SYT1: variants seen among roughly 807,000 people sequenced by gnomAD.
SYT1 encodes the protein synaptotagmin-1.
In SYT1, 8 loss-of-function variants were observed where a neutral mutation model predicts 44.8. That is an observed-to-expected ratio of 0.18 (90% CI 0.10 to 0.32). SYT1 has a LOEUF of 0.32. Ranked by LOEUF, SYT1 falls within the 10% of genes least tolerant of loss-of-function variation. The pLI is 1.00. For synonymous variants in SYT1, 154 were observed against 188.8 expected (o/e 0.82, Z 1.51); for missense variants, 286 against 509.3 (o/e 0.56, Z 4.22).
Position 79,292,013 on chromosome 12 carries a change from C to T in SYT1, c.357C>T (p.Leu119=). Residue 119 remains leucine, a synonymous_variant, in exon 6 of 11, where the codon CTC becomes CTT. Transcript: ENST00000261205. ...DLGKTMKDQA[L]KDDDAETGLT... ...GATCCTTTCTCTATACATAGGCCCT[C>T]AAGGATGATGATGCTGAAACTGGAT... is the stretch of plus-strand genomic sequence containing the variant. 1.2e-6 allele frequency: 2 copies of T among 1,613,686 alleles called. No homozygotes were observed. The highest frequency in any genetic ancestry group is 1.7e-6 in the Non-Finnish European group (2 of 1,179,942).
chr12:79,387,490 C>G (rs1381746535), intron 9 of SYT1, among the ~76,000 whole-genome samples: 1 of 152,132 alleles, frequency 6.6e-6, no homozygotes, highest in Non-Finnish European at 1.5e-5. Flanking sequence ...CATATGGCCC[C>G]TTTTATGTTT....
chr12:78,891,617 T>A (rs906300713), intron 1 of SYT1, among the ~76,000 whole-genome samples: 1 of 151,896 alleles, frequency 6.6e-6, no homozygotes, highest in African/African-American at 2.4e-5. Flanking sequence ...TATTTACATA[T>A]GGAAGAAGGT....
intron 9 of SYT1, among the ~76,000 whole-genome samples, chr12:79,410,842 A>G (rs953523070): frequency 6.6e-6 from 1 of 152,196 alleles, no homozygotes; most frequent in Admixed American, 6.5e-5. Context: ...AAAGTCACTA[A>G]TGAGAGATCA....
intron 5 of SYT1, among the ~76,000 whole-genome samples, chr12:79,288,465 C>A (rs1879418096): frequency 6.6e-6 from 1 of 151,998 alleles, no homozygotes; most frequent in Non-Finnish European, 1.5e-5. Context: ...TATAAAGGCT[C>A]TAGGACAATC....
chr12:78,920,054 C>T (rs1461369567), intron 1 of SYT1, among the ~76,000 whole-genome samples: 1 of 150,982 alleles, frequency 6.6e-6, no homozygotes, highest in Non-Finnish European at 1.5e-5. Flanking sequence ...GGAATTTAGT[C>T]TTTTTGAAAT....
At chr12:79,079,670 C>T (rs1260499448) in intron 3 of SYT1, among the ~76,000 whole-genome samples, 1 of 151,838 alleles carries the variant, frequency 6.6e-6, no homozygotes, top group South Asian at 2.1e-4. Flanking sequence ...ACCACAGAAC[C>T]TTTGAAACAT....
At chr12:79,027,989 T>C (rs545019848) in intron 2 of SYT1, among the ~76,000 whole-genome samples, 38 of 151,396 alleles carry the variant, frequency 2.5e-4, no homozygotes, top group Non-Finnish European at 3.7e-4. Context: ...AGTCATATTA[T>C]GGACTGATAA....
intron 1 of SYT1, among the ~76,000 whole-genome samples, chr12:78,956,200 G>A (rs947401967): frequency 6.6e-6 from 1 of 152,044 alleles, no homozygotes; most frequent in African/African-American, 2.4e-5. Context: ...TGGGGGGGCA[G>A]AATGTGCATT....
chr12:79,049,576 A>G (rs1874319275), intron 3 of SYT1, among the ~76,000 whole-genome samples: 2 of 152,038 alleles, frequency 1.3e-5, no homozygotes, highest in South Asian at 2.1e-4. Context: ...TCAAAACATA[A>G]GAGTTCTTAA....
intron 8 of SYT1, among the ~76,000 whole-genome samples, chr12:79,326,086 A>G (rs573779633): frequency 6.6e-6 from 1 of 152,358 alleles, no homozygotes; most frequent in Admixed American, 6.5e-5. Context: ...AAAATGGAAC[A>G]CATTTTCTTG....
In SYT1 at chr12:79,394,234, T is replaced by C. The variant is rs1023814604; in HGVS notation, c.928+40615T>C. Among the ~76,000 whole-genome samples, 4 of 152,344 alleles carry C rather than the reference T, an allele frequency of 2.6e-5. No homozygotes were observed. The East Asian group carries it at 7.7e-4, about 29-fold the overall frequency. ...TAGCACCTGGTAAATGCTAGGGGTATGTAGCCGGGTATTAACTTGAATTGC... is the reference window on the plus strand; with the variant it reads ...TAGCACCTGGTAAATGCTAGGGGTACGTAGCCGGGTATTAACTTGAATTGC... On this transcript the variant is annotated intron_variant, in intron 9 of 10. Transcript: ENST00000261205.
chr12:79,083,857 A>C (rs1204475449), intron 3 of SYT1, among the ~76,000 whole-genome samples: 2 of 152,168 alleles, frequency 1.3e-5, no homozygotes, highest in Non-Finnish European at 2.9e-5. Context: ...AAAGATGTCA[A>C]CACGAACATC....
At chr12:79,223,048 G>A (rs565877311) in intron 4 of SYT1, among the ~76,000 whole-genome samples, 1 of 152,110 alleles carries the variant, frequency 6.6e-6, no homozygotes, top group East Asian at 1.9e-4. Flanking sequence ...TTTTCTTGAA[G>A]TTCACTGAGC....
At chr12:79,346,609 A>G (rs1053736403) in intron 8 of SYT1, among the ~76,000 whole-genome samples, 3 of 152,226 alleles carry the variant, frequency 2.0e-5, no homozygotes, top group African/African-American at 7.2e-5. Flanking sequence ...TATAAAAGCT[A>G]TACCTCCAGA....
At chr12:79,134,985 C>CCACACACACACA (rs201834566) in intron 3 of SYT1, among the ~76,000 whole-genome samples, 1,970 of 147,942 alleles carry the variant, frequency 0.013, 40 homozygotes, top group African/African-American at 0.046. Context: ...AATGTTCTCA[C>CCACACACACACA]CACACACACA....
intron 1 of SYT1, among the ~76,000 whole-genome samples, chr12:78,916,016 G>A (rs1046715034): frequency 2.0e-5 from 3 of 151,808 alleles, no homozygotes; most frequent in South Asian, 2.1e-4. Flanking sequence ...GACTTTAATC[G>A]GATGTTTTTG....
At chr12:79,252,423 G>A (rs1204712229) in intron 4 of SYT1, among the ~76,000 whole-genome samples, 7 of 152,056 alleles carry the variant, frequency 4.6e-5, no homozygotes. Flanking sequence ...TGTTCAAAAA[G>A]TATTTCTGAC....
chr12:79,147,041 A>G (rs1869963413), intron 3 of SYT1, among the ~76,000 whole-genome samples: 1 of 152,116 alleles, frequency 6.6e-6, no homozygotes, highest in African/African-American at 2.4e-5. Flanking sequence ...GGGTTTCACC[A>G]TATTGGCCAG....
At chr12:78,877,937 A>T (rs1360193991) in intron 1 of SYT1, among the ~76,000 whole-genome samples, 2 of 151,796 alleles carry the variant, frequency 1.3e-5, no homozygotes, top group Non-Finnish European at 2.9e-5. Flanking sequence ...CCTCAAAAGT[A>T]TAATCTTCTT....
Sources: gnomAD v4.1 joint callset for allele counts (sites outside exome capture counted in the v4.1 genomes callset) on GRCh38, gnomAD v4.1.1 for gene constraint, MANE v1.5 for transcripts, NCBI Gene and HGNC (gene_info 2026-07-23, HGNC 2026-07-21) for gene names.